The following TAF1A variants were observed in gnomAD, a reference collection of about 807,000 sequenced individuals.
The protein encoded by TAF1A is TATA-box binding protein associated factor, RNA polymerase I subunit A, also known as TATA box-binding protein-associated factor RNA polymerase I subunit A.
A neutral mutation model predicts 61.6 loss-of-function variants in TAF1A; 42 were observed. The observed-to-expected ratio is 0.68, with a 90% CI of 0.53 to 0.88. TAF1A has a LOEUF of 0.88. TAF1A is among the 40% of genes least tolerant of loss of function. The pLI is 0.00. For missense variants in TAF1A, 424 were observed against 518.7 expected (o/e 0.82, Z 1.77); for synonymous variants, 179 against 177.7 (o/e 1.01, Z -0.06).
intron 10 of TAF1A, among the ~76,000 whole-genome samples, chr1:222,560,200 T>C (rs923301764): frequency 1.3e-5 from 2 of 152,100 alleles, no homozygotes; most frequent in Admixed American, 1.3e-4. Flanking sequence ...TAAAGTAAGG[T>C]TGGTAACCAG....
rs374603158 is a variant in TAF1A, at chr1:222,584,320, A to G, written c.122-23T>C. On this transcript the variant is annotated intron_variant, in intron 2 of 10. Coordinates refer to ENST00000352967, the MANE Select transcript of TAF1A (RefSeq NM_005681.4). ...TGGCTATAAAAACGAAAAAGAAGAG[A>G]GTTTTTATCCAAGTGGCTCCAGTTC... 2.6e-6 allele frequency: 4 copies of G among 1,565,308 alleles called. No homozygotes were observed. The African/African-American group carries it at 5.5e-5, about 22-fold the overall frequency.
At chr1:222,561,026 C>G (rs989134013) in intron 10 of TAF1A, among the ~76,000 whole-genome samples, 15 of 151,990 alleles carry the variant, frequency 9.9e-5, no homozygotes, top group African/African-American at 3.6e-4. Context: ...ACAGTGAGGT[C>G]AATAAAGAAT....
chr1:222,587,754 A>G (rs963094265), intron 2 of TAF1A, among the ~76,000 whole-genome samples: 2 of 152,154 alleles, frequency 1.3e-5, no homozygotes, highest in Non-Finnish European at 2.9e-5. Flanking sequence ...AATGGGGGAA[A>G]ATGCTCTTTT....
chr1:222,589,602 C>G (rs1661168671), intron 1 of TAF1A, 125 bp downstream of exon 1: 1 of 154,190 alleles, frequency 6.5e-6, no homozygotes, highest in Non-Finnish European at 1.4e-5. Flanking sequence ...CCCCTTCTTT[C>G]GTTTTCAGAC....
chr1:222,584,466 T>A (rs1000571308), intron 2 of TAF1A, among the ~76,000 whole-genome samples, 169 bp from the exon 3 acceptor site: 3 of 152,326 alleles, frequency 2.0e-5, no homozygotes, highest in African/African-American at 7.2e-5. Flanking sequence ...TTCTACATTA[T>A]ATTAATTATT....
chr1:222,569,405 A>G, intron 7 of TAF1A, 105 bp downstream of exon 7: 1 of 1,602,530 alleles, frequency 6.2e-7, no homozygotes. Flanking sequence ...ACTGTACATT[A>G]TTGAAATTTT....
Position 222,570,682 on chromosome 1 carries a change from G to T in TAF1A, c.605-17C>A. 1 of 1,576,112 alleles carries T rather than the reference G, an allele frequency of 6.3e-7. No individual in the cohort carries two copies. The highest frequency in any genetic ancestry group is 8.6e-7 in the Non-Finnish European group (1 of 1,156,796). On this transcript the variant is annotated splice_polypyrimidine_tract_variant and intron_variant, in intron 5 of 10. Transcript: ENST00000352967. ...CATCCTTATCTGCCCAAAGATACAA[G>T]ATCTTTTAACATTCATTAAACATTG...
At chr1:222,584,900 G>A (rs1179692868) in intron 2 of TAF1A, among the ~76,000 whole-genome samples, 1 of 152,116 alleles carries the variant, frequency 6.6e-6, no homozygotes, top group Admixed American at 6.5e-5. Flanking sequence ...ATCTTCCCAC[G>A]TAACTATGAG....
Position 222,570,561 on chromosome 1 carries a change from C to T in TAF1A, c.709G>A (p.Asp237Asn), listed in dbSNP as rs747414656. The T allele has an allele frequency of 9.3e-6, 15 of 1,611,878 alleles. No homozygotes were observed. The highest frequency in any genetic ancestry group is 1.3e-5 in the Non-Finnish European group (15 of 1,178,612). ...SALIKIPGVW[D>N]PFVKSYVEML... ...TCTACATAACTCTTCACAAAAGGGTCCCAAACTCCAGGAATTTTAATCAAT... is the reference window on the plus strand; with the variant it reads ...TCTACATAACTCTTCACAAAAGGGTTCCAAACTCCAGGAATTTTAATCAAT... The change falls in exon 6 of 11, where the codon GAC (aspartate) becomes AAC (asparagine). Residue 237 changes from aspartate to asparagine, a missense_variant. Physicochemically the swap from Asp to Asn is conservative, Grantham distance 23. Transcript: ENST00000352967.
chr1:222,566,804 A>G (rs559940709), intron 7 of TAF1A, among the ~76,000 whole-genome samples: 231 of 152,338 alleles, frequency 1.5e-3, no homozygotes, highest in Non-Finnish European at 2.3e-3. Context: ...TGATCAAAAA[A>G]GGGGATGGAG....
intron 2 of TAF1A, among the ~76,000 whole-genome samples, chr1:222,587,922 G>A (rs1661081975): frequency 6.6e-6 from 1 of 151,862 alleles, no homozygotes; most frequent in Non-Finnish European, 1.5e-5. Flanking sequence ...CGTGGTGGCT[G>A]GTACCTGTAA....
intron 9 of TAF1A, among the ~76,000 whole-genome samples, chr1:222,562,355 T>C (rs372931261): frequency 9.9e-5 from 15 of 152,164 alleles, no homozygotes; most frequent in Non-Finnish European, 1.5e-5. Context: ...GTAGAACAAA[T>C]AGAGGTTCGA....
intron 3 of TAF1A, among the ~76,000 whole-genome samples, chr1:222,580,785 A>AG (rs200926621): frequency 0.23 from 20,464 of 88,264 alleles, 1,524 homozygotes; most frequent in South Asian, 0.37. Context: ...AAAAAAAAAA[A>AG]AGAAAACTTT....
chr1:222,580,916 G>T (rs937190301), intron 3 of TAF1A, among the ~76,000 whole-genome samples: 2 of 152,148 alleles, frequency 1.3e-5, no homozygotes, highest in African/African-American at 2.4e-5. Flanking sequence ...ATTTTGGGAG[G>T]CCGAGGCGGG....
At chr1:222,559,811 C>T (rs1336932975) in intron 10 of TAF1A, among the ~76,000 whole-genome samples, 1 of 151,998 alleles carries the variant, frequency 6.6e-6, no homozygotes, top group Non-Finnish European at 1.5e-5. Flanking sequence ...GCCACCGCAC[C>T]CAGCTAGTAA....
intron 9 of TAF1A, among the ~76,000 whole-genome samples, chr1:222,562,251 T>C (rs1339126138): frequency 6.6e-6 from 1 of 152,238 alleles, no homozygotes; most frequent in Non-Finnish European, 1.5e-5. Flanking sequence ...AAATTTCCTA[T>C]ATGCAATACA....
At chr1:222,557,636 T>C (rs562692461), downstream of TAF1A, among the ~76,000 whole-genome samples, 1 of 151,834 alleles carries the variant, frequency 6.6e-6, no homozygotes. Context: ...TTGGTATTTT[T>C]AGTAGAGACA....
At chr1:222,579,719 G>T in intron 4 of TAF1A, 40 bp downstream of exon 4, 1 of 1,572,560 alleles carries the variant, frequency 6.4e-7, no homozygotes, top group Non-Finnish European at 8.6e-7. Context: ...AAAAAAAAAA[G>T]AATACTGCAA....
intron 1 of TAF1A, 32 bp from the exon 2 acceptor site, chr1:222,588,597 G>A (rs1360513999): frequency 6.2e-7 from 1 of 1,605,970 alleles, no homozygotes; most frequent in South Asian, 1.1e-5. Flanking sequence ...GTTACTTTCT[G>A]TACATCTTAA....
Sources: allele counts gnomAD v4.1 joint callset (sites outside exome capture counted in the v4.1 genomes callset), GRCh38; gene constraint gnomAD v4.1.1; transcripts MANE v1.5; gene names NCBI Gene and HGNC (gene_info 2026-07-23, HGNC 2026-07-21).